Variants in ATP8B4 observed in about 807,000 individuals in gnomAD.
The protein encoded by ATP8B4 is probable phospholipid-transporting ATPase IM.
Under a neutral mutation model 145.6 loss-of-function variants are expected in ATP8B4, and 133 were observed. The observed-to-expected ratio is 0.91, with a 90% CI of 0.79 to 1.05. The LOEUF (loss-of-function observed/expected upper bound fraction) is 1.05. ATP8B4 is among the 50% of genes least tolerant of loss of function. ATP8B4 has a pLI of 0.00. For synonymous variants in ATP8B4, 507 were observed against 492.9 expected, an observed-to-expected ratio of 1.03 and a Z score of -0.38; for missense variants, 1,458 against 1,425.2, an observed-to-expected ratio of 1.02 and a Z score of -0.37.
At chr15:50,163,329 A>G in intron 1 of ATP8B4, among the ~76,000 whole-genome samples, 1 of 152,232 alleles carries the variant, frequency 6.6e-6, no homozygotes, top group East Asian at 1.9e-4. Context: ...AACTGCAGCT[A>G]TATCTGCATT....
In ATP8B4 at chr15:49,981,312, A is replaced by G; in HGVS notation, c.749-18T>C. The G allele has an allele frequency of 3.2e-6, 5 of 1,546,222 alleles. No individual in the cohort carries two copies. Among genetic ancestry groups the G allele is most frequent in the Non-Finnish European group, 4.4e-6 (5 of 1,128,982 alleles). On this transcript the variant is annotated intron_variant, in intron 10 of 27. Transcript: ENST00000284509. Reference sequence around the variant, plus strand: ...GTCAGGACCTGCAAAAACAAAAAAAAGTAAATAACTTTGAAATGATATGAT... The same window carrying G: ...GTCAGGACCTGCAAAAACAAAAAAAGGTAAATAACTTTGAAATGATATGAT...
At chr15:49,870,083 C>CA (rs1006115922) in intron 25 of ATP8B4, among the ~76,000 whole-genome samples, 4 of 151,736 alleles carry the variant, frequency 2.6e-5, no homozygotes, top group Non-Finnish European at 5.9e-5. Flanking sequence ...GCCTTAATAG[C>CA]AAAAAACATA....
At chr15:50,171,470 G>A (rs1202275196) in intron 1 of ATP8B4, among the ~76,000 whole-genome samples, 8 of 152,146 alleles carry the variant, frequency 5.3e-5, no homozygotes, top group East Asian at 1.9e-4. Flanking sequence ...GGGTAAAAAC[G>A]AAATCAAGAT....
At chr15:50,071,288 G>C (rs1290391023) in intron 3 of ATP8B4, among the ~76,000 whole-genome samples, 1 of 152,128 alleles carries the variant, frequency 6.6e-6, no homozygotes, top group Non-Finnish European at 1.5e-5. Flanking sequence ...TATTCAATAT[G>C]GGTGGTAGGC....
chr15:50,086,715 TAATAA>T (rs1281014789), intron 2 of ATP8B4, among the ~76,000 whole-genome samples: 20 of 85,096 alleles, frequency 2.4e-4, no homozygotes, highest in Non-Finnish European at 3.9e-4. Context: ...TTATTATATA[TAATAA>T]AATAATATAG....
chr15:50,176,248 T>G (rs2044761492), intron 1 of ATP8B4, among the ~76,000 whole-genome samples: 1 of 152,148 alleles, frequency 6.6e-6, no homozygotes, highest in Non-Finnish European at 1.5e-5. Flanking sequence ...AGACTATTAT[T>G]CTAAGTGATG....
chr15:50,153,426 C>G (rs538213059), intron 1 of ATP8B4, among the ~76,000 whole-genome samples: 2 of 151,802 alleles, frequency 1.3e-5, no homozygotes, highest in Non-Finnish European at 2.9e-5. Context: ...GCAACCTCCG[C>G]CCCCCAGGTT....
At chr15:50,040,930 C>T (rs2051230687) in intron 5 of ATP8B4, among the ~76,000 whole-genome samples, 1 of 152,224 alleles carries the variant, frequency 6.6e-6, no homozygotes. Context: ...ATGCTTTACA[C>T]ATATCTCTTT....
intron 26 of ATP8B4, among the ~76,000 whole-genome samples, chr15:49,863,137 A>G (rs1365163155): frequency 6.6e-6 from 1 of 152,180 alleles, no homozygotes; most frequent in Non-Finnish European, 1.5e-5. Flanking sequence ...TGCAGGACCA[A>G]CTTTTTAATT....
intron 14 of ATP8B4, among the ~76,000 whole-genome samples, chr15:49,941,900 G>A (rs2042190334): frequency 6.6e-6 from 1 of 152,188 alleles, no homozygotes. Context: ...CAACTTGGAT[G>A]AGGTTGGAGC....
At chr15:50,117,569 A>G (rs2057192085) in intron 1 of ATP8B4, among the ~76,000 whole-genome samples, 1 of 152,224 alleles carries the variant, frequency 6.6e-6, no homozygotes, top group Non-Finnish European at 1.5e-5. Flanking sequence ...TAAAGGCACA[A>G]TATAGGTTAA....
chr15:50,086,989 T>TACA, intron 2 of ATP8B4, among the ~76,000 whole-genome samples: 1 of 110,278 alleles, frequency 9.1e-6, no homozygotes, highest in African/African-American at 3.8e-5. Flanking sequence ...ATTTATTATA[T>TACA]ATAATAAAAT....
intron 16 of ATP8B4, among the ~76,000 whole-genome samples, chr15:49,925,338 T>C (rs1418993380): frequency 6.6e-6 from 1 of 152,178 alleles, no homozygotes; most frequent in Non-Finnish European, 1.5e-5. Context: ...AGGGTTGGAT[T>C]CCCATATCTG....
At chr15:50,033,687 T>C (rs946072873) in intron 6 of ATP8B4, among the ~76,000 whole-genome samples, 1 of 152,124 alleles carries the variant, frequency 6.6e-6, no homozygotes, top group Admixed American at 6.6e-5. Context: ...ACTCAATAGG[T>C]AGTTTTCCAA....
intron 16 of ATP8B4, among the ~76,000 whole-genome samples, chr15:49,925,122 A>G (rs943837608): frequency 1.3e-5 from 2 of 152,152 alleles, no homozygotes; most frequent in Non-Finnish European, 2.9e-5. Flanking sequence ...GTTATCTATC[A>G]ATATCCATAT....
At chr15:50,091,655 C>T (rs1039373438) in intron 2 of ATP8B4, among the ~76,000 whole-genome samples, 1 of 152,224 alleles carries the variant, frequency 6.6e-6, no homozygotes, top group South Asian at 2.1e-4. Context: ...CTCATTCCAG[C>T]AGAGAAGACT....
At position 50,107,000 on chromosome 15, in the gene ATP8B4, G is replaced by A; in HGVS notation, c.-34C>T. ...CTGATCTTTCACCAGGTCTCAACAG[G>A]TGGCCTACCTAAGAAAAAGAAGTAT... is the stretch of plus-strand genomic sequence containing the variant. On this transcript the variant is annotated 5_prime_UTR_variant, in exon 2 of 28. Coordinates refer to ENST00000284509, the MANE Select transcript of ATP8B4 (RefSeq NM_024837.4). 6.5e-7 allele frequency: 1 copy of A among 1,545,812 alleles called. No individual in the cohort carries two copies. The highest frequency in any genetic ancestry group is 2.1e-5 in the Admixed American group (1 of 47,414).
At chr15:50,015,431 G>A (rs994111546) in intron 6 of ATP8B4, among the ~76,000 whole-genome samples, 26 of 152,332 alleles carry the variant, frequency 1.7e-4, no homozygotes, top group South Asian at 1.2e-3. Flanking sequence ...GCAGGTCTGG[G>A]ACCAGAACCC....
chr15:50,021,980 A>AC (rs2049611850), intron 6 of ATP8B4, among the ~76,000 whole-genome samples: 1 of 152,218 alleles, frequency 6.6e-6, no homozygotes, highest in Non-Finnish European at 1.5e-5. Context: ...AGAAAGTGTA[A>AC]CAAAGCTAAT....
Sources: allele counts gnomAD v4.1 joint callset (sites outside exome capture counted in the v4.1 genomes callset), GRCh38; gene constraint gnomAD v4.1.1; transcripts MANE v1.5; gene names NCBI Gene and HGNC (gene_info 2026-07-23, HGNC 2026-07-21).